The following ACTN1 variants were observed in gnomAD, a reference collection of about 807,000 sequenced individuals.
ACTN1 encodes alpha-actinin-1.
Under a neutral mutation model 119.6 loss-of-function variants are expected in ACTN1, and 30 were observed. That is an observed-to-expected ratio of 0.25 (90% confidence interval 0.19 to 0.34). ACTN1 has a LOEUF of 0.34. Among genes scored for constraint, ACTN1 ranks in the 10% least tolerant of loss-of-function variants. ACTN1 has a pLI of 1.00. For synonymous variants in ACTN1, 429 were observed against 472.6 expected (o/e 0.91, Z 1.20); for missense variants, 764 against 1,223.4 (o/e 0.62, Z 5.60).
rs759486581 is a variant in ACTN1 at position 68,904,711 on chromosome 14, G to T, written c.620C>A (p.Thr207Lys). ...RKDDPLTNLNTAFDVAEKYLD... is the reference protein window; with the variant it reads ...RKDDPLTNLNKAFDVAEKYLD... ...GTACTTCTCTGCCACGTCAAAAGCCGTATTCAGATTTGTGAGTGGATCATC... is the reference window on the plus strand; with the variant it reads ...GTACTTCTCTGCCACGTCAAAAGCCTTATTCAGATTTGTGAGTGGATCATC... Residue 207 changes from threonine to lysine, a missense_variant, in exon 7 of 22, where the codon ACG becomes AAG. Transcript: ENST00000394419. The T allele has an allele frequency of 1.9e-6, 3 of 1,613,976 alleles. No homozygotes were observed. Among genetic ancestry groups the T allele is most frequent in the Non-Finnish European group, 2.5e-6 (3 of 1,179,874 alleles).
Position 68,926,006 on chromosome 14 carries a change from T to G in ACTN1, c.106-334A>C, listed in dbSNP as rs563265615. 6.6e-5 allele frequency among the ~76,000 whole-genome samples: 10 copies of G among 152,350 alleles called. No individual in the cohort carries two copies. In the East Asian group the frequency reaches 1.9e-3, roughly 29 times the overall value. ...AATGCCACAATTCCATTCTTACAAGTTACCTCTTAAGTTATAAGACTTAGT... is the reference window on the plus strand; with the variant it reads ...AATGCCACAATTCCATTCTTACAAGGTACCTCTTAAGTTATAAGACTTAGT... On this transcript the variant is annotated intron_variant, in intron 1 of 21. Coordinates refer to ENST00000394419, the MANE Select transcript of ACTN1 (RefSeq NM_001130004.2).
rs1300299482 is a variant in ACTN1 at position 68,909,252 on chromosome 14, A to G, written c.594+66T>C. ...CATGGACTGTCACAACAAGGGTCCT[A>G]GTCCTGCTCTTTTCCCACCCCACCT... On this transcript the variant is annotated intron_variant, in intron 6 of 21. Transcript: ENST00000394419. The surrounding 1 kb of genome is among the most constrained non-coding windows in gnomAD (Gnocchi z 4.1). 4.0e-6 allele frequency: 6 copies of G among 1,485,180 alleles called. No homozygotes were observed. In the African/African-American group the frequency reaches 8.3e-5, roughly 21 times the overall value. 92.0% of individuals were successfully genotyped at this position (1,485,180 alleles called of 1,614,324 possible). A position where few individuals can be genotyped will look rare whatever the true frequency, so the allele number is the denominator to read the frequency against.
At chr14:68,877,493 A>G in intron 20 of ACTN1, 1 of 497,560 alleles carries the variant, frequency 2.0e-6, no homozygotes, top group South Asian at 3.0e-5. Context: ...GATAATAACT[A>G]TAATGACAAC....
intron 9 of ACTN1, 35 bp downstream of exon 9, chr14:68,893,620 C>A (rs200771540): frequency 1.2e-6 from 2 of 1,602,304 alleles, no homozygotes. Context: ...CTGACTCTTG[C>A]TAGAGTCAGG....
chr14:68,898,517 C>T (rs1230052781), intron 8 of ACTN1, among the ~76,000 whole-genome samples: 1 of 152,186 alleles, frequency 6.6e-6, no homozygotes, highest in East Asian at 1.9e-4. Flanking sequence ...ATGGAGGGCA[C>T]TGGGCACGGG....
intron 1 of ACTN1, among the ~76,000 whole-genome samples, chr14:68,932,820 C>T (rs2035287584): frequency 6.6e-6 from 1 of 152,078 alleles, no homozygotes; most frequent in African/African-American, 2.4e-5. Context: ...TCAGCAGCAC[C>T]CCTGGACCAC....
At chr14:68,904,790 T>C in intron 6 of ACTN1, 54 bp from the exon 7 acceptor site, 5 of 1,516,072 alleles carry the variant, frequency 3.3e-6, no homozygotes, top group Admixed American at 3.4e-5. Context: ...CACAAGTCAC[T>C]GGCTACTCCC....
chr14:68,961,837 G>A (rs1486900305), intron 1 of ACTN1, among the ~76,000 whole-genome samples: 1 of 152,132 alleles, frequency 6.6e-6, no homozygotes, highest in South Asian at 2.1e-4. Context: ...CATCCCTCCA[G>A]CACCAGATCA....
Position 68,925,703 on chromosome 14 carries a change from G to A in ACTN1, c.106-31C>T, listed in dbSNP as rs759649984. The stretch of plus-strand genomic sequence containing the variant: ...CAGAGACAAGAAGGGCAAGTGGTCA[G>A]GGGGCTGGTGTTGTCACCCTCATTG... On this transcript the variant is annotated intron_variant, in intron 1 of 21. Transcript: ENST00000394419. The surrounding 1 kb of genome is among the most constrained non-coding windows in gnomAD (Gnocchi z 4.3). The A allele has an allele frequency of 6.3e-7, 1 of 1,577,012 alleles. No homozygotes were observed. Among genetic ancestry groups the A allele is most frequent in the Non-Finnish European group, 8.7e-7 (1 of 1,151,448 alleles).
At chr14:68,876,991 G>C (rs2030972381) in intron 21 of ACTN1, 91 bp downstream of exon 21, 1 of 1,474,132 alleles carries the variant, frequency 6.8e-7, no homozygotes, top group Non-Finnish European at 9.2e-7. Flanking sequence ...AGGGGCGGTT[G>C]AGGAGTTCAT....
In ACTN1 at chr14:68,925,511, G is replaced by C. The variant is rs944088913; in HGVS notation, c.220+47C>G. The C allele has an allele frequency of 1.3e-6, 2 of 1,509,218 alleles. No homozygotes were observed. The highest frequency in any genetic ancestry group is 1.7e-4 in the Middle Eastern group (1 of 5,804). 93.5% of individuals were successfully genotyped at this position (1,509,218 alleles called of 1,614,324 possible). On this transcript the variant is annotated intron_variant, in intron 2 of 21. Transcript: ENST00000394419. This position sits in a 1 kb window ranked among gnomAD's most constrained non-coding sequence, Gnocchi z 4.3. ...GGCAGAGCAGATGCCAAGGTGTCAG[G>C]CAGCACCAATAGACAGTATCTCGTC...
At chr14:68,922,516 C>A (rs66579511) in intron 2 of ACTN1, among the ~76,000 whole-genome samples, 18,808 of 152,288 alleles carry the variant, frequency 0.12, 2,287 homozygotes, top group East Asian at 0.62. Context: ...GGCAGCACCA[C>A]GTCCCCTCCC....
At chr14:68,954,298 T>G (rs2036274943) in intron 1 of ACTN1, among the ~76,000 whole-genome samples, 1 of 151,958 alleles carries the variant, frequency 6.6e-6, no homozygotes, top group East Asian at 1.9e-4. Context: ...CCCCCAGTTT[T>G]GCTGTTACAC....
intron 3 of ACTN1, 105 bp from the exon 4 acceptor site, chr14:68,912,347 G>T: frequency 3.4e-6 from 3 of 886,504 alleles, no homozygotes; most frequent in Non-Finnish European, 5.6e-6. Flanking sequence ...GGAATCAAAA[G>T]ACTCCAGAGC....
chr14:68,928,904 C>A (rs866175464), intron 1 of ACTN1, among the ~76,000 whole-genome samples: 2 of 151,894 alleles, frequency 1.3e-5, no homozygotes, highest in Admixed American at 6.6e-5. Context: ...TTTTTTGCAC[C>A]GGTGCTGGTG....
intron 10 of ACTN1, among the ~76,000 whole-genome samples, chr14:68,891,234 T>G (rs1038717873): frequency 2.0e-5 from 3 of 152,238 alleles, no homozygotes; most frequent in African/African-American, 7.2e-5. Flanking sequence ...TCATGGCAAA[T>G]TTCTTACATT....
intron 11 of ACTN1, chr14:68,888,012 A>G (rs558193200): frequency 5.3e-6 from 4 of 748,024 alleles, no homozygotes; most frequent in Non-Finnish European, 1.0e-5. Context: ...GGTTTAACTG[A>G]CAACCGCGCC....
At chr14:68,952,720 C>T (rs748968774) in intron 1 of ACTN1, among the ~76,000 whole-genome samples, 4 of 151,396 alleles carry the variant, frequency 2.6e-5, no homozygotes, top group South Asian at 4.2e-4. Context: ...TAAAATTAAA[C>T]GTTCAGTATC....
intron 1 of ACTN1, among the ~76,000 whole-genome samples, chr14:68,961,589 T>C (rs1050766084): frequency 2.0e-5 from 3 of 152,186 alleles, no homozygotes; most frequent in African/African-American, 4.8e-5. Flanking sequence ...ATAGGCCCTA[T>C]GTGGATCCTG....
Sources: gnomAD v4.1 joint callset for allele counts (sites outside exome capture counted in the v4.1 genomes callset) on GRCh38, gnomAD v4.1.1 for gene constraint, Gnocchi (gnomAD v3.1) non-coding constraint, MANE v1.5 for transcripts, NCBI Gene and HGNC (gene_info 2026-07-23, HGNC 2026-07-21) for gene names.